VAMP2: variants seen among roughly 807,000 people sequenced by gnomAD.
The protein encoded by VAMP2 is vesicle associated membrane protein 2, also known as vesicle-associated membrane protein 2.
For missense variants in VAMP2, 95 were observed against 151.3 expected (o/e 0.63, Z 1.95); for synonymous variants, 67 against 57.3 (o/e 1.17, Z -0.76).
rs145991565 is a variant in VAMP2 at position 8,161,346 on chromosome 17, A to T, written c.334+127T>A. 6,524 of 1,344,566 alleles carry T rather than the reference A, an allele frequency of 4.9e-3. 594 individuals carry two copies. In the Admixed American group the frequency reaches 0.15, roughly 31 times the overall value. The allele number at this position is 1,344,566 out of a possible 1,614,324, so 83.3% of individuals were successfully genotyped here. ...AGTTTTTGGCTCTAGATGAATCAGA[A>T]TTGCCATTAGCAGCTATATGTGTTT... On this transcript the variant is annotated intron_variant, in intron 4 of 4. Transcript: ENST00000316509.
Position 8,161,485 on chromosome 17 carries a change from T to C in VAMP2, c.322A>G (p.Ile108Val). The change falls in exon 4 of 5, where the codon ATC becomes GTC. Residue 108 changes from isoleucine (I) to valine (V), a missense_variant. Physicochemically the swap from Ile to Val is conservative, Grantham distance 29. Transcript: ENST00000316509. The part of the protein sequence containing the change: ...ILGVICAIIL[I>V]IIIVYFST ...TCACCCTACTCACCTATGATGATGA[T>C]GAGGATGATGGCGCAAATCACTCCC... is the stretch of plus-strand genomic sequence containing the variant. The C allele has an allele frequency of 6.2e-7, 1 of 1,614,048 alleles. No homozygotes were observed. The highest frequency in any genetic ancestry group is 1.1e-5 in the South Asian group (1 of 91,076).
chr17:8,160,631 A>T lies in VAMP2; in HGVS notation c.*224T>A. 1 of 308,286 alleles carries T rather than the reference A, an allele frequency of 3.2e-6. No individual in the cohort carries two copies. 19.1% of individuals were successfully genotyped at this position (308,286 alleles called of 1,614,324 possible). Reference sequence around the variant, plus strand: ...GGAACCTCAGGAAGGGGTGTTAAGGACAACCGGAAAAATCATCTAGTAATA... The same window carrying T: ...GGAACCTCAGGAAGGGGTGTTAAGGTCAACCGGAAAAATCATCTAGTAATA... On this transcript the variant is annotated 3_prime_UTR_variant, in exon 5 of 5. Transcript: ENST00000316509.
chr17:8,161,378 G>A, intron 4 of VAMP2, 95 bp downstream of exon 4: 1 of 1,510,576 alleles, frequency 6.6e-7, no homozygotes, highest in African/African-American at 1.4e-5. Context: ...GTTTTTGGCT[G>A]AAGAGTAAAA....
chr17:8,160,377 G>GTTGTTTTTT lies in VAMP2; in HGVS notation c.*469_*477dup, dbSNP rs1983258804. Reference sequence around the variant, plus strand: ...ACCTAAGGAAGCCTGGACAGGTGCTGTTGTTTTTTTTTTTTTTTTTTTTTT... The same window carrying GTTGTTTTTT: ...ACCTAAGGAAGCCTGGACAGGTGCTGTTGTTTTTTTTGTTTTTTTTTTTTTTTTTTTTTT... On this transcript the variant is annotated 3_prime_UTR_variant, in exon 5 of 5. Transcript: ENST00000316509. 2 of 39,474 alleles carry GTTGTTTTTT rather than the reference G, an allele frequency of 5.1e-5. No homozygotes were observed. Among genetic ancestry groups the GTTGTTTTTT allele is most frequent in the Admixed American group, 2.8e-4 (1 of 3,602 alleles). The allele number at this position is 39,474 out of a possible 1,614,324, so 2.4% of individuals were successfully genotyped here. A position where few individuals can be genotyped will look rare whatever the true frequency, so the allele number is the denominator to read the frequency against.
chr17:8,162,355 G>A lies in VAMP2; in HGVS notation c.17C>T (p.Ala6Val), dbSNP rs1983341958. 1.2e-6 allele frequency: 2 copies of A among 1,608,264 alleles called. No individual in the cohort carries two copies. The highest frequency in any genetic ancestry group is 1.7e-6 in the Non-Finnish European group (2 of 1,177,968). The change falls in exon 2 of 5, where the codon GCC becomes GTC. Residue 6 changes from alanine (A) to valine (V), a missense_variant. By Grantham distance (64) the Ala-to-Val change is moderately conservative. Transcript: ENST00000316509. MSATA[A>V]TAPPAAPAGE... The stretch of plus-strand genomic sequence containing the variant: ...AGCCGGGGCAGCAGGGGGGGCCGTG[G>A]CAGCGGTAGCAGACCTGAGGAGCAG...
Position 8,160,735 on chromosome 17 carries a change from CGG to C in VAMP2, c.*118_*119del. The C allele has an allele frequency of 1.1e-6, 1 of 920,820 alleles. No homozygotes were observed. Among genetic ancestry groups the C allele is most frequent in the Non-Finnish European group, 1.6e-6 (1 of 626,868 alleles). 57.0% of individuals were successfully genotyped at this position (920,820 alleles called of 1,614,324 possible). ...GGCTATTTACAGGGGGACACACACA[CGG>C]ACACACACACACACGGATCCAGGGG... On this transcript the variant is annotated 3_prime_UTR_variant, in exon 5 of 5. Coordinates refer to ENST00000316509, the MANE Select transcript of VAMP2 (RefSeq NM_014232.3).
rs1983254618 is a variant in VAMP2, at chr17:8,160,329, C to CCCA, written c.*523_*525dup. 7.0e-6 allele frequency: 1 copy of CCCA among 143,352 alleles called. No individual in the cohort carries two copies. The highest frequency in any genetic ancestry group is 1.5e-5 in the Non-Finnish European group (1 of 66,348). 8.9% of individuals were successfully genotyped at this position (143,352 alleles called of 1,614,324 possible). A position where few individuals can be genotyped will look rare whatever the true frequency, so the allele number is the denominator to read the frequency against. ...CCAAGTGGGGCCAGTCTCAGAGCCT[C>CCCA]CCAATGGATACAAAGAAGATGTACC... is the stretch of plus-strand genomic sequence containing the variant. On this transcript the variant is annotated 3_prime_UTR_variant, in exon 5 of 5. Coordinates refer to ENST00000316509, the MANE Select transcript of VAMP2 (RefSeq NM_014232.3).
In VAMP2 at chr17:8,160,763, A is replaced by AAG; in HGVS notation, c.*91_*92insCT. ...ACACACACACACACGGATCCAGGGGAGTGGGGGCTGAAAGATATGGCTGAG... is the reference window on the plus strand; with the variant it reads ...ACACACACACACACGGATCCAGGGGAAGGTGGGGGCTGAAAGATATGGCTGAG... On this transcript the variant is annotated 3_prime_UTR_variant, in exon 5 of 5. Transcript: ENST00000316509. The AAG allele has an allele frequency of 7.2e-7, 1 of 1,383,498 alleles. No individual in the cohort carries two copies. The highest frequency in any genetic ancestry group is 1.0e-6 in the Non-Finnish European group (1 of 1,000,978). The allele number at this position is 1,383,498 out of a possible 1,614,324, so 85.7% of individuals were successfully genotyped here. A position where few individuals can be genotyped will look rare whatever the true frequency, so the allele number is the denominator to read the frequency against.
Position 8,160,723 on chromosome 17 carries a change from G to A in VAMP2, c.*132C>T. On this transcript the variant is annotated 3_prime_UTR_variant, in exon 5 of 5. Coordinates refer to ENST00000316509, the MANE Select transcript of VAMP2 (RefSeq NM_014232.3). Reference sequence around the variant, plus strand: ...TAAATAACAGCTGGCTATTTACAGGGGGACACACACACGGACACACACACA... The same window carrying A: ...TAAATAACAGCTGGCTATTTACAGGAGGACACACACACGGACACACACACA... 3 of 704,820 alleles carry A rather than the reference G, an allele frequency of 4.3e-6. No homozygotes were observed. The highest frequency in any genetic ancestry group is 3.5e-5 in the African/African-American group (2 of 56,544). The allele number at this position is 704,820 out of a possible 1,614,324, so 43.7% of individuals were successfully genotyped here.
chr17:8,161,027 A>T, intron 4 of VAMP2, 156 bp from the exon 5 acceptor site: 1 of 627,788 alleles, frequency 1.6e-6, no homozygotes, highest in Non-Finnish European at 2.8e-6. Flanking sequence ...TCTACAAAGC[A>T]AGGGGCTAGA....
At chr17:8,161,224 G>A in intron 4 of VAMP2, 1 of 608,320 alleles carries the variant, frequency 1.6e-6, no homozygotes, top group Non-Finnish European at 2.8e-6. Flanking sequence ...TGGGCTCTTA[G>A]GCCTAAAGGG....
chr17:8,162,620 C>A, intron 1 of VAMP2: 2 of 1,400,640 alleles, frequency 1.4e-6, no homozygotes, highest in Non-Finnish European at 1.8e-6. Context: ...CCGGGTCGAC[C>A]CGAAAAGACA....
rs372255040 is a variant in VAMP2, at chr17:8,161,486, G to C, written c.321C>G (p.Leu107=). 16 of 1,614,040 alleles carry C rather than the reference G, an allele frequency of 9.9e-6. No individual in the cohort carries two copies. In the Middle Eastern group the frequency reaches 4.9e-4, roughly 50 times the overall value. ...CACCCTACTCACCTATGATGATGAT[G>C]AGGATGATGGCGCAAATCACTCCCA... ...IILGVICAII[L]IIIIVYFST Residue 107 remains leucine, a synonymous_variant, in exon 4 of 5, where the codon CTC becomes CTG. Transcript: ENST00000316509.
intron 4 of VAMP2, chr17:8,161,242 T>C (rs1457683856): frequency 4.6e-6 from 3 of 654,434 alleles, no homozygotes; most frequent in Non-Finnish European, 7.7e-6. Context: ...GGGTCCTCAA[T>C]GGATACACCA....
chr17:8,162,677 C>A (rs1983353821), intron 1 of VAMP2: 9 of 1,344,934 alleles, frequency 6.7e-6, no homozygotes, highest in Non-Finnish European at 5.7e-6. Context: ...GACACTGGGT[C>A]CGCTCCTTCC....
chr17:8,162,199 C>T lies in VAMP2; in HGVS notation c.123+50G>A, dbSNP rs199631546. ...ACCAACATGGGCCCCTACACCTATA[C>T]GCCAACCCCCAGGGTCCCTCCTACT... On this transcript the variant is annotated intron_variant, in intron 2 of 4. Coordinates refer to ENST00000316509, the MANE Select transcript of VAMP2 (RefSeq NM_014232.3). The T allele has an allele frequency of 7.7e-4, 1,160 of 1,500,674 alleles. 9 individuals carry two copies. The South Asian group carries it at 8.2e-3, about 11-fold the overall frequency. The allele number at this position is 1,500,674 out of a possible 1,614,324, so 93.0% of individuals were successfully genotyped here.
chr17:8,160,394 T>TTTTTTTTTTTTGTTTTTTG lies in VAMP2; in HGVS notation c.*460_*461insCAAAAAACAAAAAAAAAAA, dbSNP rs1567543402. The TTTTTTTTTTTTGTTTTTTG allele has an allele frequency of 7.7e-6, 1 of 129,452 alleles. No homozygotes were observed. Among genetic ancestry groups the TTTTTTTTTTTTGTTTTTTG allele is most frequent in the Non-Finnish European group, 1.7e-5 (1 of 59,738 alleles). 8.0% of individuals were successfully genotyped at this position (129,452 alleles called of 1,614,324 possible). ...CAGGTGCTGTTGTTTTTTTTTTTTT[T>TTTTTTTTTTTTGTTTTTTG]TTTTTTTTTTTGAGGGCGGGGCAGA... On this transcript the variant is annotated 3_prime_UTR_variant, in exon 5 of 5. Transcript: ENST00000316509.
At chr17:8,161,418 T>C in intron 4 of VAMP2, 55 bp downstream of exon 4, 1 of 1,604,158 alleles carries the variant, frequency 6.2e-7, no homozygotes, top group East Asian at 2.2e-5. Context: ...AAACCTAGAA[T>C]CCACTGGGGA....
rs1555524485 is a variant in VAMP2 at position 8,160,394 on chromosome 17, T to TTG, written c.*460_*461insCA. The TTG allele has an allele frequency of 7.7e-6, 1 of 129,452 alleles. No individual in the cohort carries two copies. The highest frequency in any genetic ancestry group is 2.2e-4 in the East Asian group (1 of 4,574). 8.0% of individuals were successfully genotyped at this position (129,452 alleles called of 1,614,324 possible). On this transcript the variant is annotated 3_prime_UTR_variant, in exon 5 of 5. Transcript: ENST00000316509. ...CAGGTGCTGTTGTTTTTTTTTTTTT[T>TTG]TTTTTTTTTTTGAGGGCGGGGCAGA...
Sources: allele counts gnomAD v4.1 joint callset, GRCh38; gene constraint gnomAD v4.1.1; transcripts MANE v1.5; gene names NCBI Gene and HGNC (gene_info 2026-07-23, HGNC 2026-07-21).